LIFR: variants seen among roughly 807,000 people sequenced by gnomAD.
LIFR encodes LIF receptor subunit alpha.
In LIFR, 84 loss-of-function variants were observed where a neutral mutation model predicts 122.2. The ratio of observed to expected loss-of-function variants is 0.69; its 90% confidence interval spans 0.58 to 0.82. The LOEUF is 0.82. LIFR is among the 40% of genes least tolerant of loss of function. LIFR has a pLI of 0.00. For missense variants in LIFR, 1,294 were observed against 1,311.6 expected, an observed-to-expected ratio of 0.99 and a Z score of 0.21; for synonymous variants, 422 against 434.7, an observed-to-expected ratio of 0.97 and a Z score of 0.36.
At chr5:38,539,996 G>C (rs994599290) in intron 1 of LIFR, among the ~76,000 whole-genome samples, 3 of 152,096 alleles carry the variant, frequency 2.0e-5, no homozygotes, top group Admixed American at 6.6e-5. Flanking sequence ...AGGTCATACA[G>C]CTAGTAAGGA....
chr5:38,487,298 T>C (rs1244181995), intron 16 of LIFR, among the ~76,000 whole-genome samples: 1 of 152,240 alleles, frequency 6.6e-6, no homozygotes, highest in Non-Finnish European at 1.5e-5. Context: ...AATATCTGCA[T>C]TTCTCTCTCA....
chr5:38,603,363 C>T (rs1221439435), intron 2 of LIFR, among the ~76,000 whole-genome samples: 3 of 152,162 alleles, frequency 2.0e-5, no homozygotes, highest in Admixed American at 6.5e-5. Context: ...ATACCTTCCA[C>T]CAGTCACACT....
intron 1 of LIFR, among the ~76,000 whole-genome samples, chr5:38,547,839 T>C (rs1032385441): frequency 1.3e-5 from 2 of 152,338 alleles, no homozygotes; most frequent in African/African-American, 4.8e-5. Flanking sequence ...TATAATAGCC[T>C]ATTGCTCCTA....
chr5:38,572,757 A>G (rs532199016), intron 1 of LIFR, among the ~76,000 whole-genome samples: 2 of 152,302 alleles, frequency 1.3e-5, no homozygotes, highest in South Asian at 2.1e-4. Flanking sequence ...TAGCACACCT[A>G]CTACATGCCA....
chr5:38,527,156 A>T lies in LIFR; in HGVS notation c.396T>A (p.Val132=), dbSNP rs770196324. The T allele has an allele frequency of 6.3e-7, 1 of 1,591,730 alleles. No individual in the cohort carries two copies. The highest frequency in any genetic ancestry group is 8.6e-7 in the Non-Finnish European group (1 of 1,162,376). ...TSKFTLNEQN[V]SLIPDTPEIL... ...TTGAGTTTGTTTTCAAATACTTACAAACGTTTTGTTCATTTAGTGTGAATT... is the reference window on the plus strand; with the variant it reads ...TTGAGTTTGTTTTCAAATACTTACATACGTTTTGTTCATTTAGTGTGAATT... The change falls in exon 4 of 20, where the codon GTT becomes GTA. Residue 132 remains valine (V), a splice_region_variant and synonymous_variant. Coordinates refer to ENST00000453190, the MANE Select transcript of LIFR (RefSeq NM_001127671.2).
upstream of LIFR, among the ~76,000 whole-genome samples, chr5:38,595,588 A>T (rs539703939): frequency 2.6e-5 from 4 of 152,292 alleles, no homozygotes; most frequent in South Asian, 8.3e-4. Context: ...TGGGATAAAA[A>T]GCTTTTGCCT....
intron 1 of LIFR, among the ~76,000 whole-genome samples, chr5:38,533,791 T>C (rs1747149082): frequency 2.0e-5 from 3 of 152,170 alleles, no homozygotes; most frequent in Admixed American, 2.0e-4. Flanking sequence ...GAACCTAGCC[T>C]GGTGGCACTG....
rs771442417 is a variant in LIFR at position 38,502,712 on chromosome 5, T to G, written c.1525A>C (p.Ile509Leu). ...CAGAAAGTTTCAGTAGAACAACGAA[T>G]CCGAAAAGTATATAGAGTGTATGGA... ...LNPYTLYTFR[I>L]RCSTETFWKW... Residue 509 changes from isoleucine (I) to leucine (L), a missense_variant, in exon 11 of 20, where the codon ATT (isoleucine) becomes CTT (leucine). Coordinates refer to ENST00000453190, the MANE Select transcript of LIFR (RefSeq NM_001127671.2). 34 of 1,612,204 alleles carry G rather than the reference T, an allele frequency of 2.1e-5. No homozygotes were observed. The highest frequency in any genetic ancestry group is 2.4e-5 in the Non-Finnish European group (28 of 1,178,382).
intron 7 of LIFR, among the ~76,000 whole-genome samples, chr5:38,509,656 G>T (rs566820377): frequency 1.8e-4 from 28 of 152,278 alleles, no homozygotes; most frequent in African/African-American, 6.5e-4. Context: ...GCGACCTTTA[G>T]ACCAAAATCC....
chr5:38,594,565 G>A (rs1490700586), intron 1 of LIFR, among the ~76,000 whole-genome samples: 1 of 152,070 alleles, frequency 6.6e-6, no homozygotes, highest in African/African-American at 2.4e-5. Context: ...GTGGGCAGGG[G>A]TATATGAAGC....
intron 1 of LIFR, among the ~76,000 whole-genome samples, chr5:38,588,251 G>A (rs1379320135): frequency 6.6e-6 from 1 of 152,190 alleles, no homozygotes; most frequent in Admixed American, 6.5e-5. Flanking sequence ...TCTAGGTTGA[G>A]AGGCCTAGAA....
chr5:38,497,809 A>G (rs1561144581), intron 12 of LIFR, among the ~76,000 whole-genome samples: 1 of 152,136 alleles, frequency 6.6e-6, no homozygotes, highest in Non-Finnish European at 1.5e-5. Context: ...AGTTATATAC[A>G]TTTTCATGGT....
intron 2 of LIFR, among the ~76,000 whole-genome samples, chr5:38,600,693 G>T (rs898506827): frequency 1.3e-5 from 2 of 151,950 alleles, no homozygotes; most frequent in African/African-American, 2.4e-5. Flanking sequence ...TTCCTCTCTT[G>T]GTCCCCTAAA....
chr5:38,530,320 AT>A (rs1203391101), intron 2 of LIFR, among the ~76,000 whole-genome samples, 185 bp downstream of exon 2: 1 of 152,244 alleles, frequency 6.6e-6, no homozygotes, highest in Non-Finnish European at 1.5e-5. Flanking sequence ...TGGTAAAATA[AT>A]ATTTTGATCT....
At position 38,481,212 on chromosome 5, in the gene LIFR, T is replaced by C; in HGVS notation, c.*383A>G. ...TTTCTCCCTGGCCTGCAAATCCACT[T>C]ACAATTCCACCAAGTATACACATGA... On this transcript the variant is annotated 3_prime_UTR_variant, in exon 20 of 20. Coordinates refer to ENST00000453190, the MANE Select transcript of LIFR (RefSeq NM_001127671.2). 6.8e-6 allele frequency: 2 copies of C among 294,896 alleles called. No individual in the cohort carries two copies. The highest frequency in any genetic ancestry group is 6.4e-6 in the Non-Finnish European group (1 of 156,206). The allele number at this position is 294,896 out of a possible 1,614,324, so 18.3% of individuals were successfully genotyped here.
At chr5:38,495,083 C>T (rs1744810110) in intron 13 of LIFR, among the ~76,000 whole-genome samples, 2 of 152,130 alleles carry the variant, frequency 1.3e-5, no homozygotes, top group African/African-American at 4.8e-5. Context: ...CAGTGTAAAC[C>T]TGAGTTGAGG....
chr5:38,483,470 G>A (rs887135888), intron 18 of LIFR, among the ~76,000 whole-genome samples: 14 of 151,648 alleles, frequency 9.2e-5, no homozygotes, highest in African/African-American at 3.2e-4. Context: ...TTGCTAGGGT[G>A]GGGTGCAGTG....
chr5:38,532,586 C>CG (rs149700669), intron 1 of LIFR, among the ~76,000 whole-genome samples: 4,655 of 152,204 alleles, frequency 0.031, 275 homozygotes, highest in African/African-American at 0.11. Flanking sequence ...GAAGGATCAA[C>CG]GGCAGTGTCA....
Position 38,493,609 on chromosome 5 carries a change from ATTCTATTACAGTTTCAGTGCTGT to A in LIFR, c.2039_2061del (p.Asn680IlefsTer2). On this transcript the variant is annotated frameshift_variant, in exon 14 of 20. Coordinates refer to ENST00000453190, the MANE Select transcript of LIFR (RefSeq NM_001127671.2). LOFTEE classifies it high-confidence loss of function. ...GAGAGACACTAATTCATCTTACCAG[ATTCTATTACAGTTTCAGTGCTGT>A]TTGAGGGAACTTTTCTCCAGTCCAT... The A allele has an allele frequency of 6.2e-7, 1 of 1,613,706 alleles. No homozygotes were observed. The highest frequency in any genetic ancestry group is 8.5e-7 in the Non-Finnish European group (1 of 1,179,598).
Sources: allele counts gnomAD v4.1 joint callset (sites outside exome capture counted in the v4.1 genomes callset), GRCh38; gene constraint gnomAD v4.1.1; transcripts MANE v1.5; gene names NCBI Gene and HGNC (gene_info 2026-07-23, HGNC 2026-07-21).